UBE2E1: variants seen among roughly 807,000 people sequenced by gnomAD.
The protein encoded by UBE2E1 is ubiquitin-conjugating enzyme E2 E1.
UBE2E1 carries 6 observed loss-of-function variants against 21.4 expected under a neutral mutation model. That is an observed-to-expected ratio of 0.28 (90% CI 0.15 to 0.55). The LOEUF (loss-of-function observed/expected upper bound fraction) is 0.55. UBE2E1 is among the 20% of genes least tolerant of loss of function. The pLI, the probability that UBE2E1 is intolerant of heterozygous loss-of-function variation, is 0.93. For synonymous variants in UBE2E1, 87 were observed against 82.7 expected (o/e 1.05, Z -0.28); for missense variants, 142 against 236.5 (o/e 0.60, Z 2.62).
In UBE2E1 at chr3:23,831,396, G is replaced by A. The variant is rs145208330; in HGVS notation, c.203+19886G>A. Reference sequence around the variant, plus strand: ...CCAGTTGTAAAACTCTTGGGCGAGGGACCAGTTAGTCTAACTTGATTGAGT... The same window carrying A: ...CCAGTTGTAAAACTCTTGGGCGAGGAACCAGTTAGTCTAACTTGATTGAGT... On this transcript the variant is annotated intron_variant, in intron 3 of 5. Transcript: ENST00000306627. 3.3e-5 allele frequency among the ~76,000 whole-genome samples: 5 copies of A among 152,282 alleles called. No individual in the cohort carries two copies. In the East Asian group the frequency reaches 9.6e-4, roughly 29 times the overall value.
chr3:23,842,198 G>GTGTGTGTGTGTGTGTGT lies in UBE2E1; in HGVS notation c.203+30688_203+30689insTGTGTGTGTGTGTGTGT, dbSNP rs1553637705. Among the ~76,000 whole-genome samples the GTGTGTGTGTGTGTGTGT allele has an allele frequency of 4.1e-3, 428 of 104,352 alleles. 15 individuals carry two copies. Among genetic ancestry groups the GTGTGTGTGTGTGTGTGT allele is most frequent in the Non-Finnish European group, 5.8e-3 (294 of 50,882 alleles). The allele number at this position is 104,352 out of a possible 152,430, so 68.5% of individuals were successfully genotyped here. A position where few individuals can be genotyped will look rare whatever the true frequency, so the allele number is the denominator to read the frequency against. On this transcript the variant is annotated intron_variant, in intron 3 of 5. Transcript: ENST00000306627. This position sits in a 1 kb window ranked among gnomAD's most constrained non-coding sequence, Gnocchi z 4.6. ...TATGTCATGACCCAGTAAGTGAAGG[G>GTGTGTGTGTGTGTGTGT]GTGTGTGTGTGTGTGTGTGTGTGTG...
chr3:23,885,645 G>T (rs965808883), intron 3 of UBE2E1, among the ~76,000 whole-genome samples: 3 of 152,128 alleles, frequency 2.0e-5, no homozygotes, highest in Non-Finnish European at 4.4e-5. Context: ...CGGATCACCT[G>T]AGGTCGGGAG....
At position 23,870,106 on chromosome 3, in the gene UBE2E1, G is replaced by C. The variant is rs1448096295; in HGVS notation, c.204-17461G>C. Among the ~76,000 whole-genome samples the C allele has an allele frequency of 6.6e-6, 1 of 152,132 alleles. No individual in the cohort carries two copies. The highest frequency in any genetic ancestry group is 1.9e-4 in the East Asian group (1 of 5,198). The stretch of plus-strand genomic sequence containing the variant: ...TCCACCTGGGCTGGGAAGGCCCACA[G>C]CTGAGGGCTGTAACACCTTGGGCTT... On this transcript the variant is annotated intron_variant, in intron 3 of 5. Coordinates refer to ENST00000306627, the MANE Select transcript of UBE2E1 (RefSeq NM_003341.5). This position sits in a 1 kb window ranked among gnomAD's most constrained non-coding sequence, Gnocchi z 4.2.
intron 3 of UBE2E1, among the ~76,000 whole-genome samples, chr3:23,851,093 C>T (rs1253179078): frequency 6.6e-6 from 1 of 152,122 alleles, no homozygotes; most frequent in Non-Finnish European, 1.5e-5. Context: ...GGTTCAGTTT[C>T]ATTTTTTTGT....
In UBE2E1 at chr3:23,823,460, T is replaced by A. The variant is rs1330164180; in HGVS notation, c.203+11950T>A. On this transcript the variant is annotated intron_variant, in intron 3 of 5. Coordinates refer to ENST00000306627, the MANE Select transcript of UBE2E1 (RefSeq NM_003341.5). This position sits in a 1 kb window ranked among gnomAD's most constrained non-coding sequence, Gnocchi z 4.2. ...TGGAACCACAACTGTTTTGGCTACG[T>A]AGGAATTTTGCTCCACAAGTAATTT... Among the ~76,000 whole-genome samples, 4 of 152,232 alleles carry A rather than the reference T, an allele frequency of 2.6e-5. No homozygotes were observed. Among genetic ancestry groups the A allele is most frequent in the Non-Finnish European group, 5.9e-5 (4 of 68,038 alleles).
At chr3:23,881,364 C>T (rs1271288179) in intron 3 of UBE2E1, among the ~76,000 whole-genome samples, 1 of 152,154 alleles carries the variant, frequency 6.6e-6, no homozygotes, top group Non-Finnish European at 1.5e-5. Context: ...TTGAAAAGTG[C>T]TTTTAGTTAC....
At chr3:23,859,392 C>G (rs1291961644) in intron 3 of UBE2E1, among the ~76,000 whole-genome samples, 1 of 152,224 alleles carries the variant, frequency 6.6e-6, no homozygotes, top group African/African-American at 2.4e-5. Context: ...CCTCACTTCA[C>G]CTGAGCACAT....
At position 23,870,431 on chromosome 3, in the gene UBE2E1, A is replaced by G. The variant is rs1294582193; in HGVS notation, c.204-17136A>G. Among the ~76,000 whole-genome samples, 1 of 152,186 alleles carries G rather than the reference A, an allele frequency of 6.6e-6. No individual in the cohort carries two copies. The highest frequency in any genetic ancestry group is 1.5e-5 in the Non-Finnish European group (1 of 68,032). ...GTGGACGGTGTTGTAAAACTGCCAC[A>G]GGGAGTTAATTTACCTGTATTTCTG... On this transcript the variant is annotated intron_variant, in intron 3 of 5. Coordinates refer to ENST00000306627, the MANE Select transcript of UBE2E1 (RefSeq NM_003341.5). This position sits in a 1 kb window ranked among gnomAD's most constrained non-coding sequence, Gnocchi z 4.2.
At chr3:23,850,035 T>G (rs1438641380) in intron 3 of UBE2E1, among the ~76,000 whole-genome samples, 2 of 152,224 alleles carry the variant, frequency 1.3e-5, no homozygotes, top group Non-Finnish European at 2.9e-5. Context: ...TTTCATGTGA[T>G]TATTGGGTAT....
chr3:23,839,909 T>C (rs1347660925), intron 3 of UBE2E1, among the ~76,000 whole-genome samples: 2 of 152,136 alleles, frequency 1.3e-5, no homozygotes, highest in Non-Finnish European at 1.5e-5. Flanking sequence ...CCTTTTGATG[T>C]AGTTTTTTTA....
intron 3 of UBE2E1, among the ~76,000 whole-genome samples, chr3:23,879,783 C>T (rs530580176): frequency 2.6e-5 from 4 of 152,336 alleles, no homozygotes; most frequent in East Asian, 1.9e-4. Context: ...TTCCTATCTT[C>T]CCAGCCTCTC....
chr3:23,878,555 T>C (rs1700969558), intron 3 of UBE2E1, among the ~76,000 whole-genome samples: 1 of 152,242 alleles, frequency 6.6e-6, no homozygotes, highest in Non-Finnish European at 1.5e-5. Context: ...AAGCTCCATC[T>C]GTATTTACAG....
chr3:23,824,188 A>G (rs1352117428), intron 3 of UBE2E1, among the ~76,000 whole-genome samples: 3 of 152,230 alleles, frequency 2.0e-5, no homozygotes, highest in Non-Finnish European at 4.4e-5. Flanking sequence ...GTAGCAAGTT[A>G]AAACACATGA....
chr3:23,861,670 G>A (rs1292346282), intron 3 of UBE2E1, among the ~76,000 whole-genome samples: 1 of 152,258 alleles, frequency 6.6e-6, no homozygotes, highest in Non-Finnish European at 1.5e-5. Context: ...TGGACGTCGA[G>A]AGGAATGCAC....
chr3:23,845,313 G>A (rs1463865820), intron 3 of UBE2E1, among the ~76,000 whole-genome samples: 1 of 152,152 alleles, frequency 6.6e-6, no homozygotes, highest in Non-Finnish European at 1.5e-5. Flanking sequence ...CTTCAGGAGT[G>A]GGGAGGCTGA....
In UBE2E1 at chr3:23,891,609, A is replaced by G. The variant is rs1368290029; in HGVS notation, c.*1003A>G. ...AAGTACATGAGAAATGGGTTCCGTC[A>G]TGGATAAATTGGTACCCTGCCTTAG... On this transcript the variant is annotated 3_prime_UTR_variant, in exon 6 of 6. Transcript: ENST00000306627. The G allele has an allele frequency of 2.6e-5, 4 of 152,224 alleles. No individual in the cohort carries two copies. Among genetic ancestry groups the G allele is most frequent in the African/African-American group, 9.6e-5 (4 of 41,454 alleles). The allele number at this position is 152,224 out of a possible 1,614,324, so 9.4% of individuals were successfully genotyped here. A position where few individuals can be genotyped will look rare whatever the true frequency, so the allele number is the denominator to read the frequency against.
At chr3:23,862,460 G>C (rs369758764) in intron 3 of UBE2E1, among the ~76,000 whole-genome samples, 2 of 152,054 alleles carry the variant, frequency 1.3e-5, no homozygotes, top group East Asian at 1.9e-4. Context: ...CTGTTCCTTT[G>C]AAAACATTTT....
intron 3 of UBE2E1, among the ~76,000 whole-genome samples, chr3:23,826,771 A>G (rs558467330): frequency 2.0e-5 from 3 of 152,324 alleles, no homozygotes; most frequent in Admixed American, 6.5e-5. Flanking sequence ...GGGGAGGTCT[A>G]AACACATGTA....
At position 23,870,321 on chromosome 3, in the gene UBE2E1, T is replaced by A. The variant is rs1057275474; in HGVS notation, c.204-17246T>A. 6.6e-6 allele frequency among the ~76,000 whole-genome samples: 1 copy of A among 152,202 alleles called. No homozygotes were observed. Among genetic ancestry groups the A allele is most frequent in the Non-Finnish European group, 1.5e-5 (1 of 68,032 alleles). On this transcript the variant is annotated intron_variant, in intron 3 of 5. Coordinates refer to ENST00000306627, the MANE Select transcript of UBE2E1 (RefSeq NM_003341.5). The surrounding 1 kb of genome is among the most constrained non-coding windows in gnomAD (Gnocchi z 4.2). ...GGAGCCAGTTGTGAAGTCACACTTA[T>A]ATCACTTTAGACTTAAATATCACCA...
Sources: allele counts gnomAD v4.1 joint callset (sites outside exome capture counted in the v4.1 genomes callset), GRCh38; gene constraint gnomAD v4.1.1; non-coding constraint Gnocchi (gnomAD v3.1); transcripts MANE v1.5; gene names NCBI Gene and HGNC (gene_info 2026-07-23, HGNC 2026-07-21).